Variants in CAMK4 observed in about 807,000 individuals in gnomAD.
The protein encoded by CAMK4 is calcium/calmodulin dependent protein kinase IV.
In CAMK4, 22 loss-of-function variants were observed where a neutral mutation model predicts 44.9. The ratio of observed to expected loss-of-function variants is 0.49; its 90% confidence interval spans 0.35 to 0.70. CAMK4 has a LOEUF of 0.70. CAMK4 is among the 30% of genes least tolerant of loss of function. The pLI, the probability that CAMK4 is intolerant of heterozygous loss-of-function variation, is 0.01. For synonymous variants in CAMK4, 218 were observed against 215.4 expected (o/e 1.01, Z -0.11); for missense variants, 498 against 586.8 (o/e 0.85, Z 1.56).
chr5:111,483,933 A>G (rs971782389), intron 10 of CAMK4, 93 bp from the exon 11 acceptor site: 1 of 991,256 alleles, frequency 1.0e-6, no homozygotes, highest in African/African-American at 1.6e-5. Flanking sequence ...GCTAACCTAT[A>G]AAACGGAATC....
At chr5:111,325,111 G>C (rs1748825386) in intron 1 of CAMK4, among the ~76,000 whole-genome samples, 1 of 151,662 alleles carries the variant, frequency 6.6e-6, no homozygotes, top group South Asian at 2.1e-4. Context: ...TTGGTTTTCT[G>C]TTCCTATGTT....
rs536847913 is a variant in CAMK4 at position 111,225,830 on chromosome 5, G to A, written c.161+1186G>A. The stretch of plus-strand genomic sequence containing the variant: ...GCAAACTTCTGAATGAAAATTCAGT[G>A]ATTTGTCACTGTTAAAAATGTTTTG... On this transcript the variant is annotated intron_variant, in intron 1 of 10. Coordinates refer to ENST00000282356, the MANE Select transcript of CAMK4 (RefSeq NM_001744.6). Among the ~76,000 whole-genome samples, 197 of 152,232 alleles carry A rather than the reference G, an allele frequency of 1.3e-3. 1 individual carries two copies. The highest frequency in any genetic ancestry group is 3.1e-3 in the South Asian group (15 of 4,824).
chr5:111,387,005 G>A (rs1751628548), intron 4 of CAMK4, among the ~76,000 whole-genome samples: 1 of 152,316 alleles, frequency 6.6e-6, no homozygotes, highest in African/African-American at 2.4e-5. Context: ...AAACTGTGTG[G>A]CACAGAGGCA....
chr5:111,450,763 G>C (rs1298272362), intron 7 of CAMK4, among the ~76,000 whole-genome samples: 1 of 151,200 alleles, frequency 6.6e-6, no homozygotes. Context: ...ACTCCAGTCT[G>C]GGTGACAAGA....
At chr5:111,277,417 C>T (rs1425519507) in intron 1 of CAMK4, 1 of 152,210 alleles carries the variant, frequency 6.6e-6, no homozygotes, top group Non-Finnish European at 1.5e-5. Flanking sequence ...AACTGATTTT[C>T]TGGGATTAAA....
Position 111,438,612 on chromosome 5 carries a change from AAGT to A in CAMK4, c.460-8071_460-8069del, listed in dbSNP as rs1267591256. Among the ~76,000 whole-genome samples the A allele has an allele frequency of 1.4e-4, 21 of 152,330 alleles. No homozygotes were observed. The East Asian group carries it at 3.9e-3, about 28-fold the overall frequency. On this transcript the variant is annotated intron_variant, in intron 5 of 10. Transcript: ENST00000282356. ...CATGTATACTCCTTTATGCTATAAA[AAGT>A]AGCAGAAGGAAAGAGTAGACAAATG...
intron 1 of CAMK4, among the ~76,000 whole-genome samples, chr5:111,301,569 G>A (rs1362488417): frequency 6.6e-6 from 1 of 152,172 alleles, no homozygotes; most frequent in African/African-American, 2.4e-5. Context: ...AGAAAATATA[G>A]ATAGGAAGGT....
At chr5:111,320,550 A>T (rs1314634793) in intron 1 of CAMK4, among the ~76,000 whole-genome samples, 1 of 152,172 alleles carries the variant, frequency 6.6e-6, no homozygotes, top group African/African-American at 2.4e-5. Flanking sequence ...CTCGTTGCCC[A>T]GGGTGGAGTG....
At chr5:111,284,248 T>C (rs1458952925) in intron 1 of CAMK4, among the ~76,000 whole-genome samples, 1 of 151,890 alleles carries the variant, frequency 6.6e-6, no homozygotes, top group Non-Finnish European at 1.5e-5. Flanking sequence ...GGCTTTGACA[T>C]TTTTTTTAAG....
chr5:111,250,732 T>C (rs1749450094), intron 1 of CAMK4, among the ~76,000 whole-genome samples: 1 of 152,218 alleles, frequency 6.6e-6, no homozygotes, highest in Non-Finnish European at 1.5e-5. Context: ...TATGATCTTT[T>C]CTGACATCCA....
intron 5 of CAMK4, among the ~76,000 whole-genome samples, chr5:111,428,459 T>C (rs1304282557): frequency 6.6e-6 from 1 of 152,204 alleles, no homozygotes; most frequent in Non-Finnish European, 1.5e-5. Context: ...AAAATAGATG[T>C]GTTGAGGAAA....
At chr5:111,372,993 T>C (rs549207481) in intron 2 of CAMK4, among the ~76,000 whole-genome samples, 1 of 152,290 alleles carries the variant, frequency 6.6e-6, no homozygotes, top group Admixed American at 6.5e-5. Flanking sequence ...TAAGAATTTA[T>C]AGCTGATATT....
chr5:111,393,477 A>G lies in CAMK4; in HGVS notation c.387-1233A>G, dbSNP rs991487598. Among the ~76,000 whole-genome samples, 3 of 152,120 alleles carry G rather than the reference A, an allele frequency of 2.0e-5. No homozygotes were observed. The East Asian group carries it at 5.8e-4, about 29-fold the overall frequency. On this transcript the variant is annotated intron_variant, in intron 4 of 10. Coordinates refer to ENST00000282356, the MANE Select transcript of CAMK4 (RefSeq NM_001744.6). ...TGCCCCTTTTTTTAATTAATAGGTA[A>G]TGCTGGGGTCTTGATTAGGTTCAGA...
chr5:111,254,747 C>T (rs772309408), intron 1 of CAMK4, among the ~76,000 whole-genome samples: 2 of 152,098 alleles, frequency 1.3e-5, no homozygotes, highest in Admixed American at 6.5e-5. Flanking sequence ...TCATGCACAC[C>T]GCTCTACATC....
chr5:111,303,758 C>G (rs1048240317), intron 1 of CAMK4, among the ~76,000 whole-genome samples: 119 of 148,436 alleles, frequency 8.0e-4, no homozygotes, highest in Admixed American at 2.1e-3. Flanking sequence ...CACAGAGATA[C>G]TCCTCGAGAA....
At chr5:111,300,129 A>C (rs2112644259) in intron 1 of CAMK4, among the ~76,000 whole-genome samples, 1 of 152,364 alleles carries the variant, frequency 6.6e-6, no homozygotes, top group South Asian at 2.1e-4. Context: ...AAATGAAACA[A>C]AGCATGGAGT....
chr5:111,310,066 C>A (rs1402543982), intron 1 of CAMK4, among the ~76,000 whole-genome samples: 1 of 152,084 alleles, frequency 6.6e-6, no homozygotes, highest in Non-Finnish European at 1.5e-5. Context: ...TTCATGAGTG[C>A]ATACATTTAC....
At chr5:111,429,511 A>C (rs1054101337) in intron 5 of CAMK4, among the ~76,000 whole-genome samples, 6 of 152,062 alleles carry the variant, frequency 3.9e-5, no homozygotes, top group African/African-American at 1.4e-4. Context: ...TCACACTTGT[A>C]ATCCCAGTAC....
chr5:111,484,261 C>A lies in CAMK4; in HGVS notation c.1217C>A (p.Ala406Glu). ...KVQALEKVKG[A>E]DINAEEAPKM... ...CAAGCCTTAGAGAAAGTTAAAGGTGCAGATATAAATGCTGAAGAGGCCCCC... is the reference window on the plus strand; with the variant it reads ...CAAGCCTTAGAGAAAGTTAAAGGTGAAGATATAAATGCTGAAGAGGCCCCC... Residue 406 changes from alanine to glutamate, a missense_variant, in exon 11 of 11, where the codon GCA (alanine) becomes GAA (glutamate). This residue lies in a region of CAMK4 where 143 missense variants were observed against 144.9 expected (regional missense o/e 0.99). Transcript: ENST00000282356. This position sits in a 1 kb window ranked among gnomAD's most constrained non-coding sequence, Gnocchi z 5.3. The A allele has an allele frequency of 6.2e-7, 1 of 1,614,058 alleles. No individual in the cohort carries two copies. The highest frequency in any genetic ancestry group is 8.5e-7 in the Non-Finnish European group (1 of 1,179,992).
Sources: allele counts gnomAD v4.1 joint callset (sites outside exome capture counted in the v4.1 genomes callset), GRCh38; gene constraint gnomAD v4.1.1; regional missense constraint gnomAD v4.1.1; non-coding constraint Gnocchi (gnomAD v3.1); transcripts MANE v1.5; gene names NCBI Gene and HGNC (gene_info 2026-07-23, HGNC 2026-07-21).